The following RPS6KA2 variants were observed in gnomAD, a reference collection of about 807,000 sequenced individuals.
RPS6KA2 encodes the protein ribosomal protein S6 kinase alpha-2.
RPS6KA2 carries 42 observed loss-of-function variants against 91.8 expected under a neutral mutation model. The ratio of observed to expected loss-of-function variants is 0.46; its 90% CI spans 0.36 to 0.59. The LOEUF is 0.59. RPS6KA2 is among the 20% of genes least tolerant of loss of function. The pLI, the probability that RPS6KA2 is intolerant of heterozygous loss-of-function variation, is 0.00. For missense variants in RPS6KA2, 798 were observed against 978.5 expected (o/e 0.82, Z 2.46); for synonymous variants, 414 against 393.6 (o/e 1.05, Z -0.61).
At chr6:166,637,021 G>A (rs373923958) in intron 2 of RPS6KA2, among the ~76,000 whole-genome samples, 75 of 152,354 alleles carry the variant, frequency 4.9e-4, no homozygotes, top group African/African-American at 1.7e-3. Flanking sequence ...AAATTCGGCA[G>A]CATCTGTGCT....
chr6:166,410,596 T>G lies in RPS6KA2; in HGVS notation c.*2166A>C, dbSNP rs1350145001. The G allele has an allele frequency of 6.6e-5, 10 of 152,202 alleles. No homozygotes were observed. The highest frequency in any genetic ancestry group is 8.8e-5 in the Non-Finnish European group (6 of 68,030). 9.4% of individuals were successfully genotyped at this position (152,202 alleles called of 1,614,324 possible). A position where few individuals can be genotyped will look rare whatever the true frequency, so the allele number is the denominator to read the frequency against. ...TGTGATGGGGAGTCTCGTCGGTCCCTTTGGCATTCTTAGAGTTCAGAAGCT... is the reference window on the plus strand; with the variant it reads ...TGTGATGGGGAGTCTCGTCGGTCCCGTTGGCATTCTTAGAGTTCAGAAGCT... On this transcript the variant is annotated 3_prime_UTR_variant, in exon 21 of 21. Transcript: ENST00000265678.
intron 2 of RPS6KA2, among the ~76,000 whole-genome samples, chr6:166,777,523 A>G (rs1778656115): frequency 6.6e-6 from 1 of 152,226 alleles, no homozygotes; most frequent in Non-Finnish European, 1.5e-5. Flanking sequence ...GGACACACAA[A>G]AAGGCAAAAA....
intron 11 of RPS6KA2, among the ~76,000 whole-genome samples, chr6:166,469,333 T>TG (rs914657333): frequency 1.4e-4 from 21 of 151,480 alleles, no homozygotes; most frequent in Non-Finnish European, 5.9e-5. Flanking sequence ...GTTGTTTTTT[T>TG]TTTTTTTTTT....
intron 5 of RPS6KA2, 79 bp from the exon 6 acceptor site, chr6:166,504,691 A>T: frequency 1.0e-6 from 1 of 955,266 alleles, no homozygotes; most frequent in South Asian, 1.5e-5. Flanking sequence ...GAACTCTGCC[A>T]GAGAGACTGA....
intron 10 of RPS6KA2, among the ~76,000 whole-genome samples, chr6:166,473,935 TA>T (rs1780862832): frequency 6.8e-6 from 1 of 147,584 alleles, no homozygotes; most frequent in Non-Finnish European, 1.5e-5. Flanking sequence ...ATTATTTGTT[TA>T]AAGGTTTTTT....
intron 10 of RPS6KA2, among the ~76,000 whole-genome samples, chr6:166,478,331 G>C (rs1054129764): frequency 3.3e-5 from 5 of 152,230 alleles, no homozygotes; most frequent in Non-Finnish European, 7.3e-5. Flanking sequence ...ATAAAAGCTT[G>C]GTCTTGAAAG....
At chr6:166,438,391 G>A (rs117267460) in intron 14 of RPS6KA2, among the ~76,000 whole-genome samples, 47 of 152,354 alleles carry the variant, frequency 3.1e-4, no homozygotes, top group East Asian at 1.2e-3. Context: ...GCTGGCCCGC[G>A]CTCCAGGCCT....
rs1781688885 is a variant in RPS6KA2 at position 166,493,833 on chromosome 6, G to A, written c.748-3092C>T. 6.6e-6 allele frequency among the ~76,000 whole-genome samples: 1 copy of A among 152,140 alleles called. No homozygotes were observed. The highest frequency in any genetic ancestry group is 1.5e-5 in the Non-Finnish European group (1 of 68,018). ...CTAAACATCCTATGACACACAGGGC[G>A]CCCCACAACAAGGAAGTGTCCAGTC... is the stretch of plus-strand genomic sequence containing the variant. On this transcript the variant is annotated intron_variant, in intron 8 of 20. Coordinates refer to ENST00000265678, the MANE Select transcript of RPS6KA2 (RefSeq NM_021135.6). This position sits in a 1 kb window ranked among gnomAD's most constrained non-coding sequence, Gnocchi z 4.7.
rs996004062 is a variant in RPS6KA2, at chr6:166,850,528, A to G, written c.123+7672T>C. On this transcript the variant is annotated intron_variant, in intron 2 of 21. Transcript: ENST00000503859. Reference sequence around the variant, plus strand: ...AAAGCCCCCGGATTTTTGTGCACTCATAAAGAAATAATGCTTGTCTTTCTC... The same window carrying G: ...AAAGCCCCCGGATTTTTGTGCACTCGTAAAGAAATAATGCTTGTCTTTCTC... Among the ~76,000 whole-genome samples the G allele has an allele frequency of 2.6e-5, 4 of 152,312 alleles. No homozygotes were observed. In the East Asian group the frequency reaches 5.8e-4, roughly 22 times the overall value.
rs573956884 is a variant in RPS6KA2, at chr6:166,569,490, G to A, written c.100-30706C>T. ...TTGGGAAAGGCCCTGGCCTGTCATC[G>A]GATGCCTCTGCCCTCGCTGGGTCCC... On this transcript the variant is annotated intron_variant, in intron 1 of 20. Coordinates refer to ENST00000265678, the MANE Select transcript of RPS6KA2 (RefSeq NM_021135.6). Among the ~76,000 whole-genome samples the A allele has an allele frequency of 9.6e-4, 145 of 151,608 alleles. 2 individuals are homozygous for A. The highest frequency in any genetic ancestry group is 6.3e-4 in the Non-Finnish European group (43 of 67,980).
intron 3 of RPS6KA2, among the ~76,000 whole-genome samples, chr6:166,523,762 A>G (rs543517872): frequency 2.6e-5 from 4 of 152,198 alleles, no homozygotes; most frequent in Non-Finnish European, 5.9e-5. Flanking sequence ...TGAGTTTCTG[A>G]GTGACTCAGT....
At chr6:166,734,196 A>G (rs1199252542) in intron 2 of RPS6KA2, among the ~76,000 whole-genome samples, 1 of 152,210 alleles carries the variant, frequency 6.6e-6, no homozygotes, top group Non-Finnish European at 1.5e-5. Context: ...CTTAGGATTC[A>G]TGGCTAGCAG....
At chr6:166,577,619 C>T (rs1464604690) in intron 1 of RPS6KA2, among the ~76,000 whole-genome samples, 2 of 152,178 alleles carry the variant, frequency 1.3e-5, no homozygotes, top group Non-Finnish European at 2.9e-5. Context: ...AACTGTACCC[C>T]CATTGTATCT....
chr6:166,505,268 C>T (rs1782161464), intron 5 of RPS6KA2, among the ~76,000 whole-genome samples: 3 of 152,074 alleles, frequency 2.0e-5, no homozygotes, highest in Admixed American at 6.5e-5. Context: ...TGGGACAGCT[C>T]AGGGCTGGGA....
At chr6:166,812,595 C>A (rs1224964445) in intron 2 of RPS6KA2, among the ~76,000 whole-genome samples, 1 of 152,160 alleles carries the variant, frequency 6.6e-6, no homozygotes, top group East Asian at 1.9e-4. Context: ...CTGTGTTGGG[C>A]GCGTGGCCTC....
At chr6:166,789,650 T>G (rs1562441110) in intron 2 of RPS6KA2, among the ~76,000 whole-genome samples, 1 of 152,192 alleles carries the variant, frequency 6.6e-6, no homozygotes, top group Non-Finnish European at 1.5e-5. Context: ...GGCCGGGTAC[T>G]CCTCTGAGAC....
At chr6:166,764,160 G>T (rs1000159024) in intron 2 of RPS6KA2, among the ~76,000 whole-genome samples, 3 of 152,198 alleles carry the variant, frequency 2.0e-5, no homozygotes, top group Non-Finnish European at 4.4e-5. Context: ...TGGGGAGGGC[G>T]TGAGTGAGAG....
At position 166,731,597 on chromosome 6, in the gene RPS6KA2, A is replaced by G. The variant is rs189226673; in HGVS notation, c.123+126603T>C. On this transcript the variant is annotated intron_variant, in intron 2 of 21. Coordinates refer to the RPS6KA2 transcript ENST00000503859. ...AGCTCTCCAGAAAGATGCTTTGAAG[A>G]CAAAGCAGGACAGAGCACACAGCCC... Among the ~76,000 whole-genome samples, 34 of 152,166 alleles carry G rather than the reference A, an allele frequency of 2.2e-4. No individual in the cohort carries two copies. In the East Asian group the frequency reaches 5.8e-3, roughly 26 times the overall value.
At chr6:166,522,309 C>T (rs994640867) in intron 3 of RPS6KA2, among the ~76,000 whole-genome samples, 1 of 152,182 alleles carries the variant, frequency 6.6e-6, no homozygotes, top group Non-Finnish European at 1.5e-5. Flanking sequence ...TGTAAATGCA[C>T]CTAAGGAAAC....
Sources: gnomAD v4.1 joint callset for allele counts (sites outside exome capture counted in the v4.1 genomes callset) on GRCh38, gnomAD v4.1.1 for gene constraint, Gnocchi (gnomAD v3.1) non-coding constraint, MANE v1.5 for transcripts, NCBI Gene and HGNC (gene_info 2026-07-23, HGNC 2026-07-21) for gene names.